TICRR: variants seen among roughly 807,000 people sequenced by gnomAD.
TICRR encodes TOPBP1 interacting checkpoint and replication regulator.
A neutral mutation model predicts 178.1 loss-of-function variants in TICRR; 132 were observed. That is an observed-to-expected ratio of 0.74 (90% CI 0.64 to 0.86). The LOEUF is 0.86. Ranked by LOEUF, TICRR falls within the 40% of genes least tolerant of loss-of-function variation. The pLI is 0.00. For synonymous variants in TICRR, 991 were observed against 900.7 expected (o/e 1.10, Z -1.79); for missense variants, 2,587 against 2,334.3 (o/e 1.11, Z -2.23).
intron 15 of TICRR, among the ~76,000 whole-genome samples, chr15:89,612,693 T>C (rs1222845730): frequency 3.3e-5 from 5 of 152,244 alleles, no homozygotes; most frequent in Admixed American, 2.6e-4. Context: ...TTACTAGTTA[T>C]TTGGGTTGAG....
Position 89,624,314 on chromosome 15 carries a change from CAGG to C in TICRR, c.4007_4009del (p.Gly1336del), listed in dbSNP as rs1963474733. 6.2e-7 allele frequency: 1 copy of C among 1,614,182 alleles called. No homozygotes were observed. Among genetic ancestry groups the C allele is most frequent in the Non-Finnish European group, 8.5e-7 (1 of 1,180,046 alleles). ...AAATCTAAAATAGAGTGTCCTTCCC[CAGG>C]AGAACTGGATCAGAAAGAGCCCCAG... is the stretch of plus-strand genomic sequence containing the variant. On this transcript the variant is annotated inframe_deletion, in exon 20 of 22. Coordinates refer to ENST00000268138, the MANE Select transcript of TICRR (RefSeq NM_152259.4).
intron 9 of TICRR, among the ~76,000 whole-genome samples, chr15:89,601,048 G>GAC (rs1963085783): frequency 1.3e-5 from 1 of 74,822 alleles, no homozygotes; most frequent in Non-Finnish European, 2.3e-5. Flanking sequence ...CCTGTCTCAG[G>GAC]AAAAAAAAAA....
intron 18 of TICRR, 104 bp from the exon 19 acceptor site, chr15:89,621,288 TG>T: frequency 8.3e-7 from 1 of 1,206,478 alleles, no homozygotes; most frequent in East Asian, 2.5e-5. Flanking sequence ...CCCAAAGTGC[TG>T]GGATTACAGG....
chr15:89,594,418 A>G lies in TICRR; in HGVS notation c.1545A>G (p.Leu515=), dbSNP rs1386497502. The stretch of plus-strand genomic sequence containing the variant: ...TCTAGACATCTTGACTTCACAGGTT[A>G]CTACAGGCTGCCTCAGCTAATAAGG... ...ASSDLMESFG[L]LQAASANKEE... is the part of the protein sequence containing the mutation. Residue 515 remains leucine, a synonymous_variant, in exon 6 of 22, where the codon TTA becomes TTG. Coordinates refer to ENST00000268138, the MANE Select transcript of TICRR (RefSeq NM_152259.4). 1 of 1,609,144 alleles carries G rather than the reference A, an allele frequency of 6.2e-7. No individual in the cohort carries two copies. The highest frequency in any genetic ancestry group is 1.3e-5 in the African/African-American group (1 of 74,730).
At position 89,599,398 on chromosome 15, in the gene TICRR, A is replaced by C. The variant is rs1274420331; in HGVS notation, c.1975A>C (p.Met659Leu). The C allele has an allele frequency of 2.5e-6, 4 of 1,613,832 alleles. No homozygotes were observed. In the African/African-American group the frequency reaches 5.3e-5, roughly 22 times the overall value. The change falls in exon 8 of 22, where the codon ATG (methionine) becomes CTG (leucine). Residue 659 changes from methionine to leucine, a missense_variant. Met to Leu is a conservative substitution (Grantham distance 15). Transcript: ENST00000268138. ...YQKTVATGEI[M>L]LYACARNMIS... ...AAAGACTGTGGCCACAGGAGAAATC[A>C]TGTTGTATGCATGTGCTCGAAACAT...
At chr15:89,626,096 T>G in intron 21 of TICRR, 35 bp downstream of exon 21, 2 of 1,604,006 alleles carry the variant, frequency 1.2e-6, no homozygotes, top group East Asian at 2.2e-5. Context: ...CCCTTTCCTG[T>G]GACAGACTGT....
Position 89,599,311 on chromosome 15 carries a change from A to G in TICRR, c.1901-13A>G. ...AGATATGATTAATCCATTTTATTTTATTTTTTTCTCAGATTTTAAAACTGA... is the reference window on the plus strand; with the variant it reads ...AGATATGATTAATCCATTTTATTTTGTTTTTTTCTCAGATTTTAAAACTGA... On this transcript the variant is annotated splice_polypyrimidine_tract_variant and intron_variant, in intron 7 of 21. Coordinates refer to ENST00000268138, the MANE Select transcript of TICRR (RefSeq NM_152259.4). The G allele has an allele frequency of 3.1e-6, 5 of 1,588,896 alleles. No individual in the cohort carries two copies. In the African/African-American group the frequency reaches 5.4e-5, roughly 17 times the overall value.
Position 89,576,224 on chromosome 15 carries a change from C to G in TICRR, c.638C>G (p.Thr213Ser). 1.9e-6 allele frequency: 3 copies of G among 1,583,302 alleles called. No individual in the cohort carries two copies. The highest frequency in any genetic ancestry group is 2.6e-6 in the Non-Finnish European group (3 of 1,170,918). ...AAAATCACCTTCTACTGGGTGGATA[C>G]CACCGAATGGTCTAAGGTAAGGAAG... is the stretch of plus-strand genomic sequence containing the variant. ...ARKITFYWVD[T>S]TEWSKLWESP... The change falls in exon 1 of 22, where the codon ACC becomes AGC. Residue 213 changes from threonine (T) to serine (S), a missense_variant. Thr to Ser is a moderately conservative substitution (Grantham distance 58, BLOSUM62 1). Coordinates refer to ENST00000268138, the MANE Select transcript of TICRR (RefSeq NM_152259.4).
chr15:89,599,251 C>G, intron 7 of TICRR, 73 bp from the exon 8 acceptor site: 1 of 1,238,020 alleles, frequency 8.1e-7, no homozygotes, highest in South Asian at 1.6e-5. Flanking sequence ...CCCCAGTGGA[C>G]AACAACTGGC....
chr15:89,607,445 T>G (rs1307807307), intron 14 of TICRR, among the ~76,000 whole-genome samples: 1 of 152,146 alleles, frequency 6.6e-6, no homozygotes, highest in Admixed American at 6.5e-5. Flanking sequence ...TGGTGAACTT[T>G]AGTGATGGGC....
intron 13 of TICRR, among the ~76,000 whole-genome samples, chr15:89,604,064 G>T (rs887531885): frequency 1.3e-5 from 2 of 152,008 alleles, no homozygotes; most frequent in Admixed American, 6.6e-5. Flanking sequence ...GCTGGAATCT[G>T]TTTACTAAGT....
Position 89,624,687 on chromosome 15 carries a change from TG to T in TICRR, c.4378del (p.Asp1460ThrfsTer19). On this transcript the variant is annotated frameshift_variant, in exon 20 of 22. Transcript: ENST00000268138. LOFTEE classifies it high-confidence loss of function. ...HASSPLLITS[D>X]TEHVTLLSEA... ...CATCCTCTCCTCTGCTCATTACAAG[TG>T]ACACAGAGCATGTCACTCTCCTCAG... The T allele has an allele frequency of 6.2e-7, 1 of 1,614,104 alleles. No homozygotes were observed. The highest frequency in any genetic ancestry group is 8.5e-7 in the Non-Finnish European group (1 of 1,180,038).
intron 4 of TICRR, among the ~76,000 whole-genome samples, chr15:89,588,265 A>C (rs1962854790): frequency 6.6e-6 from 1 of 152,086 alleles, no homozygotes; most frequent in African/African-American, 2.4e-5. Context: ...AGGTGGAGGA[A>C]GTTTGCCGGG....
At chr15:89,602,731 T>C in intron 12 of TICRR, 65 bp from the exon 13 acceptor site, 1 of 737,076 alleles carries the variant, frequency 1.4e-6, no homozygotes, top group Non-Finnish European at 1.9e-6. Flanking sequence ...AGACTCCAGT[T>C]CCATTTGAAT....
Position 89,585,837 on chromosome 15 carries a change from A to T in TICRR, c.1306A>T (p.Thr436Ser), listed in dbSNP as rs759125274. Residue 436 changes from threonine to serine, a missense_variant, in exon 4 of 22, where the codon ACA becomes TCA. Physicochemically the swap from Thr to Ser is moderately conservative, Grantham distance 58. Coordinates refer to ENST00000268138, the MANE Select transcript of TICRR (RefSeq NM_152259.4). ...EAEFQRHVLQ[T>S]AVADSPRDTA... ...TGAATTTCAACGACATGTTCTCCAA[A>T]CAGCTGTGGCTGACAGCCCCCGGGA... 6.2e-7 allele frequency: 1 copy of T among 1,613,962 alleles called. No homozygotes were observed. Among genetic ancestry groups the T allele is most frequent in the African/African-American group, 1.3e-5 (1 of 74,866 alleles).
chr15:89,599,814 T>C (rs1438885945), intron 8 of TICRR, among the ~76,000 whole-genome samples: 1 of 152,110 alleles, frequency 6.6e-6, no homozygotes, highest in African/African-American at 2.4e-5. Flanking sequence ...ATTTAAAAAA[T>C]ATATATATGC....
At chr15:89,612,621 T>C (rs891679581) in intron 15 of TICRR, among the ~76,000 whole-genome samples, 1 of 152,226 alleles carries the variant, frequency 6.6e-6, no homozygotes, top group Admixed American at 6.5e-5. Context: ...TCCTAGGTTA[T>C]TACAGGTGTT....
rs1333933443 is a variant in TICRR at position 89,600,630 on chromosome 15, A to G, written c.2098A>G (p.Lys700Glu). ...AAAAAGTAGTCTCTTAAAAACTAGT[A>G]AAAGTCTTCGACAGAATCTAGGAAA... ...QVKSSLLKTS[K>E]SLRQNLGKKL... The change falls in exon 9 of 22, where the codon AAA becomes GAA. Residue 700 changes from lysine (K) to glutamate (E), a missense_variant. Coordinates refer to ENST00000268138, the MANE Select transcript of TICRR (RefSeq NM_152259.4). 19 of 1,599,552 alleles carry G rather than the reference A, an allele frequency of 1.2e-5. No homozygotes were observed. Among genetic ancestry groups the G allele is most frequent in the Non-Finnish European group, 1.6e-5 (19 of 1,173,324 alleles).
chr15:89,582,960 T>A lies in TICRR; in HGVS notation c.929T>A (p.Val310Asp), dbSNP rs373141620. 2 of 1,606,684 alleles carry A rather than the reference T, an allele frequency of 1.2e-6. No individual in the cohort carries two copies. The highest frequency in any genetic ancestry group is 2.2e-5 in the South Asian group (2 of 89,782). Reference sequence around the variant, plus strand: ...ATGGAAGGAATGTTATTTCTCCCTGTTGAAGGTAAGCAAATAATATTTTAA... The same window carrying A: ...ATGGAAGGAATGTTATTTCTCCCTGATGAAGGTAAGCAAATAATATTTTAA... ...PRMEGMLFLP[V>D]EAGKEIQETW... Residue 310 changes from valine (V) to aspartate (D), a missense_variant, in exon 2 of 22, where the codon GTT becomes GAT. Val to Asp is a radical substitution (Grantham distance 152). Coordinates refer to ENST00000268138, the MANE Select transcript of TICRR (RefSeq NM_152259.4).
Sources: gnomAD v4.1 joint callset for allele counts (sites outside exome capture counted in the v4.1 genomes callset) on GRCh38, gnomAD v4.1.1 for gene constraint, MANE v1.5 for transcripts, NCBI Gene and HGNC (gene_info 2026-07-23, HGNC 2026-07-21) for gene names.